The following ARHGAP25 variants were observed in gnomAD, a reference collection of about 807,000 sequenced individuals.
ARHGAP25 encodes rho GTPase-activating protein 25.
In ARHGAP25, 34 loss-of-function variants were observed where a neutral mutation model predicts 71.0. The observed-to-expected ratio is 0.48, with a 90% CI of 0.36 to 0.64. ARHGAP25 has a LOEUF of 0.64. Among genes scored for constraint, ARHGAP25 ranks in the 30% least tolerant of loss-of-function variants. The pLI is 0.00. For synonymous variants in ARHGAP25, 282 were observed against 296.5 expected, an observed-to-expected ratio of 0.95 and a Z score of 0.50; for missense variants, 706 against 805.1, an observed-to-expected ratio of 0.88 and a Z score of 1.49.
intron 1 of ARHGAP25, among the ~76,000 whole-genome samples, chr2:68,769,594 G>A (rs1677349972): frequency 6.6e-6 from 1 of 152,168 alleles, no homozygotes; most frequent in Non-Finnish European, 1.5e-5. Context: ...TAGAGTGCAA[G>A]TGGAGAGGGA....
chr2:68,747,724 C>G (rs1049545301), intron 1 of ARHGAP25, among the ~76,000 whole-genome samples: 2 of 152,176 alleles, frequency 1.3e-5, no homozygotes, highest in Non-Finnish European at 2.9e-5. Flanking sequence ...TTCACCTGCC[C>G]TTTGCAAAAG....
At chr2:68,735,333 A>AT (rs1675157410) in intron 1 of ARHGAP25, 73 bp downstream of exon 1, 1 of 1,450,632 alleles carries the variant, frequency 6.9e-7, no homozygotes, top group Admixed American at 1.7e-5. Context: ...GTTGGTCTGC[A>AT]GGGAGCATAG....
At chr2:68,742,292 G>A (rs1675560386) in intron 1 of ARHGAP25, among the ~76,000 whole-genome samples, 2 of 152,222 alleles carry the variant, frequency 1.3e-5, no homozygotes, top group Admixed American at 6.5e-5. Context: ...TGAGTGTGAT[G>A]TGAATACTTT....
chr2:68,742,131 C>A (rs1331463596), intron 1 of ARHGAP25, among the ~76,000 whole-genome samples: 1 of 152,128 alleles, frequency 6.6e-6, no homozygotes, highest in African/African-American at 2.4e-5. Context: ...ACTATCCATC[C>A]ACCCCCAAAA....
chr2:68,807,559 T>C, intron 5 of ARHGAP25, 79 bp downstream of exon 5: 1 of 1,409,674 alleles, frequency 7.1e-7, no homozygotes. Context: ...CCATTCCAGT[T>C]GAGCTATGGG....
chr2:68,724,162 C>T (rs560976222), intron 2 of ARHGAP25, among the ~76,000 whole-genome samples: 33 of 152,272 alleles, frequency 2.2e-4, no homozygotes, highest in Non-Finnish European at 4.3e-4. Flanking sequence ...TGAGTGACCT[C>T]TGGAGCTCTC....
Position 68,775,316 on chromosome 2 carries a change from C to A in ARHGAP25, c.157C>A (p.Leu53Met). ...GGAGAGGCCCATCAAGATGGGCTGGCTGAAGAAGCAGAGGTCCATCGTGAA... is the reference window on the plus strand; with the variant it reads ...GGAGAGGCCCATCAAGATGGGCTGGATGAAGAAGCAGAGGTCCATCGTGAA... ...PLERPIKMGW[L>M]KKQRSIVKNW... Residue 53 changes from leucine (L) to methionine (M), a missense_variant, in exon 2 of 11, where the codon CTG becomes ATG. Transcript: ENST00000409202. 1 of 1,614,244 alleles carries A rather than the reference C, an allele frequency of 6.2e-7. No homozygotes were observed. The highest frequency in any genetic ancestry group is 1.1e-5 in the South Asian group (1 of 91,084).
At chr2:68,726,277 A>G (rs1226950775) in intron 2 of ARHGAP25, among the ~76,000 whole-genome samples, 3 of 152,206 alleles carry the variant, frequency 2.0e-5, no homozygotes, top group Non-Finnish European at 4.4e-5. Flanking sequence ...GAGTGGGTCT[A>G]TTATGTGGAA....
intron 4 of ARHGAP25, among the ~76,000 whole-genome samples, chr2:68,794,884 C>G (rs1295645915): frequency 6.6e-6 from 1 of 152,104 alleles, no homozygotes; most frequent in Non-Finnish European, 1.5e-5. Context: ...TACAATTCAA[C>G]TGTAAATCCA....
chr2:68,792,676 T>C (rs779003098), intron 4 of ARHGAP25, among the ~76,000 whole-genome samples: 1 of 152,260 alleles, frequency 6.6e-6, no homozygotes, highest in African/African-American at 2.4e-5. Flanking sequence ...CGATCATCTG[T>C]TGATGGACAG....
intron 4 of ARHGAP25, among the ~76,000 whole-genome samples, chr2:68,802,918 C>T (rs1680103342): frequency 6.6e-6 from 1 of 151,364 alleles, no homozygotes; most frequent in Non-Finnish European, 1.5e-5. Flanking sequence ...TCCATATATA[C>T]ACATATATCC....
intron 3 of ARHGAP25, among the ~76,000 whole-genome samples, chr2:68,785,466 G>A (rs1430870868): frequency 6.6e-6 from 1 of 152,098 alleles, no homozygotes; most frequent in East Asian, 1.9e-4. Context: ...AATCGATGTT[G>A]ACTCCAAAAG....
intron 1 of ARHGAP25, among the ~76,000 whole-genome samples, chr2:68,773,101 C>T (rs1360691011): frequency 1.3e-5 from 2 of 152,078 alleles, no homozygotes; most frequent in Non-Finnish European, 2.9e-5. Context: ...AACTCAGACC[C>T]CTTGTGAGGG....
chr2:68,824,221 G>A (rs968366603), intron 10 of ARHGAP25, among the ~76,000 whole-genome samples: 3 of 152,050 alleles, frequency 2.0e-5, no homozygotes, highest in African/African-American at 7.3e-5. Flanking sequence ...CCTCACATAT[G>A]AGTATCTTCA....
chr2:68,788,545 A>G (rs1433243761), intron 4 of ARHGAP25, among the ~76,000 whole-genome samples: 1 of 152,244 alleles, frequency 6.6e-6, no homozygotes, highest in Non-Finnish European at 1.5e-5. Flanking sequence ...TCACAACTCA[A>G]GAATTTGAGC....
exon 2 of ARHGAP25, chr2:68,710,584 T>A (rs1674456820): frequency 6.6e-6 from 1 of 152,186 alleles, no homozygotes; most frequent in Non-Finnish European, 1.5e-5. Context: ...TCAAAGTTGT[T>A]CCAGCTAAAG....
chr2:68,813,533 A>C, intron 6 of ARHGAP25, 114 bp downstream of exon 6: 1 of 1,188,922 alleles, frequency 8.4e-7, no homozygotes, highest in Non-Finnish European at 1.1e-6. Flanking sequence ...TAAGATAGTC[A>C]AATGCAACTT....
chr2:68,812,091 G>A (rs1680867207), intron 5 of ARHGAP25, among the ~76,000 whole-genome samples: 1 of 152,100 alleles, frequency 6.6e-6, no homozygotes, highest in African/African-American at 2.4e-5. Flanking sequence ...TTTTCTTAAT[G>A]GGCCACATAT....
At chr2:68,757,992 C>T (rs7583078) in intron 1 of ARHGAP25, among the ~76,000 whole-genome samples, 52 of 151,840 alleles carry the variant, frequency 3.4e-4, no homozygotes, top group African/African-American at 1.2e-3. Context: ...GTTAAAGGAG[C>T]AGAGTATTTG....
Sources: gnomAD v4.1 joint callset for allele counts (sites outside exome capture counted in the v4.1 genomes callset) on GRCh38, gnomAD v4.1.1 for gene constraint, MANE v1.5 for transcripts, NCBI Gene and HGNC (gene_info 2026-07-23, HGNC 2026-07-21) for gene names.